The following SCUBE1 variants were observed in gnomAD, a reference collection of about 807,000 sequenced individuals.
The protein encoded by SCUBE1 is signal peptide, CUB domain and EGF like domain containing 1, also known as signal peptide, CUB and EGF-like domain-containing protein 1.
A neutral mutation model predicts 124.4 loss-of-function variants in SCUBE1; 59 were observed. The observed-to-expected ratio is 0.47, with a 90% CI of 0.38 to 0.59. The LOEUF (loss-of-function observed/expected upper bound fraction) is 0.59, where lower values mean the gene tolerates loss of function less well. Ranked by LOEUF, SCUBE1 falls within the 20% of genes least tolerant of loss-of-function variation. SCUBE1 has a pLI of 0.00. For missense variants in SCUBE1, 1,150 were observed against 1,371.2 expected, an observed-to-expected ratio of 0.84 and a Z score of 2.55; for synonymous variants, 545 against 550.9, an observed-to-expected ratio of 0.99 and a Z score of 0.15.
chr22:43,217,520 A>T (rs1479764162), intron 15 of SCUBE1, among the ~76,000 whole-genome samples: 1 of 151,822 alleles, frequency 6.6e-6, no homozygotes, highest in African/African-American at 2.4e-5. Context: ...CGCCCCCGCT[A>T]CTCAGCCTTC....
chr22:43,257,057 T>A (rs910605589), intron 6 of SCUBE1, among the ~76,000 whole-genome samples: 1 of 152,212 alleles, frequency 6.6e-6, no homozygotes, highest in African/African-American at 2.4e-5. Context: ...AATGGTTGTC[T>A]GAAAGAAGAG....
At chr22:43,262,991 A>C (rs1923929281) in intron 4 of SCUBE1, 146 bp from the exon 5 acceptor site, 1 of 807,420 alleles carries the variant, frequency 1.2e-6, no homozygotes, top group Non-Finnish European at 2.0e-6. Flanking sequence ...GCACTTGCGC[A>C]CACACACATA....
chr22:43,210,276 C>T lies in SCUBE1; in HGVS notation c.2384-36G>A, dbSNP rs764754935. On this transcript the variant is annotated intron_variant, in intron 18 of 21. Transcript: ENST00000360835. This position sits in a 1 kb window ranked among gnomAD's most constrained non-coding sequence, Gnocchi z 4.5. ...AGTGGCCCGAGGGCCTCATCAGGCT[C>T]TGCTGGGCAGGGGCCCTGGCCGGCC... The T allele has an allele frequency of 6.8e-7, 1 of 1,479,312 alleles. No homozygotes were observed. Among genetic ancestry groups the T allele is most frequent in the Non-Finnish European group, 8.9e-7 (1 of 1,118,224 alleles). The allele number at this position is 1,479,312 out of a possible 1,614,324, so 91.6% of individuals were successfully genotyped here.
chr22:43,224,921 GC>G (rs544114545), intron 10 of SCUBE1, among the ~76,000 whole-genome samples: 11 of 152,260 alleles, frequency 7.2e-5, no homozygotes, highest in African/African-American at 2.6e-4. Context: ...ATGGCAAACT[GC>G]CCCCTACTCA....
chr22:43,212,184 C>T (rs1921589935), intron 17 of SCUBE1, among the ~76,000 whole-genome samples: 1 of 152,130 alleles, frequency 6.6e-6, no homozygotes, highest in Non-Finnish European at 1.5e-5. Context: ...CAGAGCCCTC[C>T]CCAGTGCTCC....
intron 8 of SCUBE1, 111 bp from the exon 9 acceptor site, chr22:43,229,299 G>T: frequency 1.3e-6 from 1 of 783,092 alleles, no homozygotes; most frequent in East Asian, 2.5e-5. Context: ...CACAGTCCCT[G>T]GGCGCAGGCG....
chr22:43,284,916 G>C (rs1925076606), intron 4 of SCUBE1, among the ~76,000 whole-genome samples: 1 of 152,138 alleles, frequency 6.6e-6, no homozygotes, highest in Non-Finnish European at 1.5e-5. Flanking sequence ...TGAACAGTGG[G>C]CTCGAGACCC....
intron 3 of SCUBE1, among the ~76,000 whole-genome samples, chr22:43,319,558 CAAA>C (rs35230785): frequency 5.4e-5 from 3 of 55,212 alleles, no homozygotes; most frequent in African/African-American, 2.5e-4. Flanking sequence ...GACTCCATCT[CAAA>C]AAAAAAAAAA....
chr22:43,270,707 A>G (rs903715340), intron 4 of SCUBE1: 1 of 152,298 alleles, frequency 6.6e-6, no homozygotes, highest in Non-Finnish European at 1.5e-5. Context: ...TGAGTAGGAC[A>G]TGGGAGGCAG....
Position 43,255,450 on chromosome 22 carries a change from G to A in SCUBE1, c.727+2769C>T. On this transcript the variant is annotated intron_variant, in intron 6 of 21. Transcript: ENST00000360835. This position sits in a 1 kb window ranked among gnomAD's most constrained non-coding sequence, Gnocchi z 4.7. ...CACACATGTGCACACACACACACAAGTGCAAGTACGACAAAGGAAGTGGAA... is the reference window on the plus strand; with the variant it reads ...CACACATGTGCACACACACACACAAATGCAAGTACGACAAAGGAAGTGGAA... 1 of 1,512,640 alleles carries A rather than the reference G, an allele frequency of 6.6e-7. No homozygotes were observed. Among genetic ancestry groups the A allele is most frequent in the East Asian group, 2.5e-5 (1 of 40,718 alleles). 93.7% of individuals were successfully genotyped at this position (1,512,640 alleles called of 1,614,324 possible). A position where few individuals can be genotyped will look rare whatever the true frequency, so the allele number is the denominator to read the frequency against.
chr22:43,284,673 A>C (rs1285581086), intron 4 of SCUBE1, among the ~76,000 whole-genome samples: 1 of 152,238 alleles, frequency 6.6e-6, no homozygotes, highest in Non-Finnish European at 1.5e-5. Context: ...TAAGGACGCA[A>C]TGAATGGAAA....
rs551818494 is a variant in SCUBE1, at chr22:43,342,971, C to T, written c.88+203G>A. Among the ~76,000 whole-genome samples the T allele has an allele frequency of 6.5e-3, 983 of 151,486 alleles. 14 individuals carry two copies. Among genetic ancestry groups the T allele is most frequent in the African/African-American group, 0.021 (888 of 41,418 alleles). ...GGCCCACCCACCCCTGGTGCGGCCCCGCCGGACTCAGGAGCCCCGGCCGCC... is the reference window on the plus strand; with the variant it reads ...GGCCCACCCACCCCTGGTGCGGCCCTGCCGGACTCAGGAGCCCCGGCCGCC... On this transcript the variant is annotated intron_variant, in intron 1 of 21. Transcript: ENST00000360835.
intron 10 of SCUBE1, among the ~76,000 whole-genome samples, chr22:43,223,995 G>A (rs1016626415): frequency 3.9e-5 from 6 of 152,292 alleles, no homozygotes; most frequent in African/African-American, 1.4e-4. Flanking sequence ...CAAATCCCCA[G>A]GGAAGATCAG....
chr22:43,240,935 G>A lies in SCUBE1; in HGVS notation c.728-1981C>T, dbSNP rs566054156. 3.3e-5 allele frequency among the ~76,000 whole-genome samples: 5 copies of A among 152,324 alleles called. No individual in the cohort carries two copies. The South Asian group carries it at 1.0e-3, about 32-fold the overall frequency. Reference sequence around the variant, plus strand: ...GTAATTCAGGCTCAGGCCTTGGAGAGATGGGGGAACATGGCAGGGTGCAGA... The same window carrying A: ...GTAATTCAGGCTCAGGCCTTGGAGAAATGGGGGAACATGGCAGGGTGCAGA... On this transcript the variant is annotated intron_variant, in intron 6 of 21. Transcript: ENST00000360835.
At chr22:43,342,609 A>C (rs1927359658) in intron 1 of SCUBE1, among the ~76,000 whole-genome samples, 1 of 146,416 alleles carries the variant, frequency 6.8e-6, no homozygotes, top group Non-Finnish European at 1.5e-5. Context: ...CCCCTGATCC[A>C]CCGGCCTCCT....
At chr22:43,272,268 C>A (rs1924322496) in intron 4 of SCUBE1, among the ~76,000 whole-genome samples, 1 of 152,172 alleles carries the variant, frequency 6.6e-6, no homozygotes, top group Non-Finnish European at 1.5e-5. Flanking sequence ...CTGGCCCACT[C>A]TGCCTGGTCC....
chr22:43,312,419 T>C (rs1926201957), intron 3 of SCUBE1, among the ~76,000 whole-genome samples: 1 of 152,014 alleles, frequency 6.6e-6, no homozygotes, highest in South Asian at 2.1e-4. Context: ...AACAGATTTG[T>C]GTAGGACTCT....
Position 43,197,308 on chromosome 22 carries a change from A to G in SCUBE1, c.*6689T>C, listed in dbSNP as rs1920949668. 6.6e-6 allele frequency: 1 copy of G among 152,268 alleles called. No homozygotes were observed. The highest frequency in any genetic ancestry group is 1.5e-5 in the Non-Finnish European group (1 of 68,046). The allele number at this position is 152,268 out of a possible 1,614,324, so 9.4% of individuals were successfully genotyped here. On this transcript the variant is annotated 3_prime_UTR_variant, in exon 22 of 22. Coordinates refer to ENST00000360835, the MANE Select transcript of SCUBE1 (RefSeq NM_173050.5). ...AGGTTCATTTCCTGTTTATTATTAA[A>G]GTGATTTTCACAAATGTTTCATTAC...
At chr22:43,282,437 G>C (rs958331750) in intron 4 of SCUBE1, 1 of 152,278 alleles carries the variant, frequency 6.6e-6, no homozygotes, top group African/African-American at 2.4e-5. Flanking sequence ...CCTGTCTCCA[G>C]AGTCCTACTT....
Sources: gnomAD v4.1 joint callset for allele counts (sites outside exome capture counted in the v4.1 genomes callset) on GRCh38, gnomAD v4.1.1 for gene constraint, Gnocchi (gnomAD v3.1) non-coding constraint, MANE v1.5 for transcripts, NCBI Gene and HGNC (gene_info 2026-07-23, HGNC 2026-07-21) for gene names.